The following WWOX variants were observed in gnomAD, a reference collection of about 807,000 sequenced individuals.
The protein encoded by WWOX is WW domain containing oxidoreductase, also known as WW domain-containing oxidoreductase.
WWOX carries 69 observed loss-of-function variants against 46.2 expected under a neutral mutation model. That is an observed-to-expected ratio of 1.49 (90% CI 1.23 to 1.82). The LOEUF is 1.82. Among genes scored for constraint, WWOX ranks in the 40% most tolerant of loss-of-function variants. WWOX has a pLI of 0.00. For missense variants in WWOX, 919 were observed against 542.6 expected, an observed-to-expected ratio of 1.69 and a Z score of -6.89; for synonymous variants, 359 against 202.6, an observed-to-expected ratio of 1.77 and a Z score of -6.56.
chr16:79,070,303 TG>T (rs2048525384), intron 8 of WWOX, among the ~76,000 whole-genome samples: 3 of 151,268 alleles, frequency 2.0e-5, no homozygotes, highest in East Asian at 3.9e-4. Context: ...TGTGTGTGTG[TG>T]TGTTTTCCAG....
chr16:78,849,647 C>T (rs1225246765), intron 8 of WWOX, among the ~76,000 whole-genome samples: 13 of 151,040 alleles, frequency 8.6e-5, no homozygotes, highest in Admixed American at 2.0e-4. Flanking sequence ...ACTTTGATTT[C>T]GTTTCTGTAT....
At chr16:78,491,254 C>G (rs1363682856) in intron 8 of WWOX, among the ~76,000 whole-genome samples, 3 of 152,148 alleles carry the variant, frequency 2.0e-5, no homozygotes, top group Non-Finnish European at 1.5e-5. Context: ...AGCTGCTACA[C>G]CATGAGTGCT....
Position 79,158,138 on chromosome 16 carries a change from A to T in WWOX, c.1057-53470A>T, listed in dbSNP as rs796449281. Among the ~76,000 whole-genome samples, 37 of 152,340 alleles carry T rather than the reference A, an allele frequency of 2.4e-4. 1 individual carries two copies. The highest frequency in any genetic ancestry group is 8.4e-4 in the African/African-American group (35 of 41,578). ...AACAGCATGGTTCCCACAAGAGAGA[A>T]GTAGACAGAGACCTCTGGAAGTTTA... On this transcript the variant is annotated intron_variant, in intron 8 of 8. Transcript: ENST00000566780.
At chr16:78,648,354 C>T (rs746439178) in intron 8 of WWOX, among the ~76,000 whole-genome samples, 2 of 152,170 alleles carry the variant, frequency 1.3e-5, no homozygotes, top group African/African-American at 2.4e-5. Flanking sequence ...CAGGAGCCAG[C>T]CGGCTCCCCT....
intron 8 of WWOX, among the ~76,000 whole-genome samples, chr16:78,953,712 A>G (rs1020675301): frequency 6.6e-6 from 1 of 152,150 alleles, no homozygotes; most frequent in African/African-American, 2.4e-5. Context: ...GCATGCATGA[A>G]TGGATAAACT....
intron 8 of WWOX, among the ~76,000 whole-genome samples, chr16:78,588,437 G>T (rs1454349123): frequency 6.6e-6 from 1 of 152,180 alleles, no homozygotes; most frequent in Non-Finnish European, 1.5e-5. Flanking sequence ...CTCTCAGGAA[G>T]TTCTTGTTCA....
chr16:78,255,753 T>G lies in WWOX; in HGVS notation c.516+91464T>G, dbSNP rs1030804568. Reference sequence around the variant, plus strand: ...ATTGAACATCCACAATAGCCAGACATTTTTCTAGTTCTTATAAATCCATGT... The same window carrying G: ...ATTGAACATCCACAATAGCCAGACAGTTTTCTAGTTCTTATAAATCCATGT... On this transcript the variant is annotated intron_variant, in intron 5 of 8. Coordinates refer to ENST00000566780, the MANE Select transcript of WWOX (RefSeq NM_016373.4). Among the ~76,000 whole-genome samples the G allele has an allele frequency of 2.0e-5, 3 of 152,272 alleles. No homozygotes were observed. In the South Asian group the frequency reaches 6.2e-4, roughly 32 times the overall value.
At chr16:79,031,879 C>A (rs1194618412) in intron 8 of WWOX, among the ~76,000 whole-genome samples, 1 of 49,004 alleles carries the variant, frequency 2.0e-5, no homozygotes, top group Non-Finnish European at 5.4e-5. Context: ...TATCTATATA[C>A]AGATATCTGT....
At chr16:78,689,538 G>A (rs770523348) in intron 8 of WWOX, among the ~76,000 whole-genome samples, 1 of 152,182 alleles carries the variant, frequency 6.6e-6, no homozygotes, top group African/African-American at 2.4e-5. Context: ...CTTTGTAAGA[G>A]TCATTCTAAG....
Position 78,832,514 on chromosome 16 carries a change from A to T in WWOX, c.1057-379094A>T, listed in dbSNP as rs960243497. ...ATCAAAGAACTTGTGGGCATATTCT[A>T]AGACCACCACACTCTGCCACTCCAC... On this transcript the variant is annotated intron_variant, in intron 8 of 8. Transcript: ENST00000566780. Among the ~76,000 whole-genome samples, 7 of 152,262 alleles carry T rather than the reference A, an allele frequency of 4.6e-5. No individual in the cohort carries two copies. In the South Asian group the frequency reaches 6.2e-4, roughly 14 times the overall value.
intron 8 of WWOX, among the ~76,000 whole-genome samples, chr16:78,443,072 G>A (rs2083480782): frequency 6.8e-6 from 1 of 146,786 alleles, no homozygotes; most frequent in East Asian, 2.0e-4. Flanking sequence ...GGAGGTGGAG[G>A]TTGCAGTGAG....
intron 8 of WWOX, among the ~76,000 whole-genome samples, chr16:79,090,889 G>A (rs1219419489): frequency 4.6e-5 from 7 of 152,198 alleles, no homozygotes; most frequent in Non-Finnish European, 2.9e-5. Context: ...TGCCTCCTGG[G>A]TTCAAACAAT....
chr16:79,163,569 G>C (rs546806284), intron 8 of WWOX, among the ~76,000 whole-genome samples: 13 of 152,192 alleles, frequency 8.5e-5, no homozygotes, highest in Admixed American at 6.5e-4. Flanking sequence ...GAGGCCGAAG[G>C]GGGTGGATCA....
At chr16:78,312,220 T>C (rs930360238) in intron 5 of WWOX, among the ~76,000 whole-genome samples, 2 of 151,862 alleles carry the variant, frequency 1.3e-5, no homozygotes, top group African/African-American at 4.8e-5. Flanking sequence ...TTAATTCATA[T>C]AACCTGGCGT....
chr16:78,966,661 C>T (rs2046368178), intron 8 of WWOX, among the ~76,000 whole-genome samples: 2 of 152,110 alleles, frequency 1.3e-5, no homozygotes, highest in Non-Finnish European at 2.9e-5. Flanking sequence ...CTTAAGATTA[C>T]ATTTTCAGAA....
intron 5 of WWOX, among the ~76,000 whole-genome samples, chr16:78,362,195 G>A (rs1450141893): frequency 6.6e-6 from 1 of 152,014 alleles, no homozygotes; most frequent in Non-Finnish European, 1.5e-5. Context: ...GCTAATCTAG[G>A]GAATTGTACT....
chr16:78,768,913 C>G (rs1035320259), intron 8 of WWOX, among the ~76,000 whole-genome samples: 1 of 152,146 alleles, frequency 6.6e-6, no homozygotes, highest in Non-Finnish European at 1.5e-5. Flanking sequence ...GACGCTGCGC[C>G]ATGGTGTAGG....
chr16:78,644,257 C>T (rs1221078724), intron 8 of WWOX, among the ~76,000 whole-genome samples: 1 of 151,196 alleles, frequency 6.6e-6, no homozygotes, highest in Non-Finnish European at 1.5e-5. Context: ...GAATGAAATA[C>T]TACTTCTCCC....
intron 8 of WWOX, among the ~76,000 whole-genome samples, chr16:78,885,214 G>A (rs75002540): frequency 0.022 from 3,104 of 144,358 alleles, 104 homozygotes; most frequent in Admixed American, 0.09. Context: ...TTTTTTAATA[G>A]GTCTTGTCAT....
Sources: gnomAD v4.1 joint callset for allele counts (sites outside exome capture counted in the v4.1 genomes callset) on GRCh38, gnomAD v4.1.1 for gene constraint, MANE v1.5 for transcripts, NCBI Gene and HGNC (gene_info 2026-07-23, HGNC 2026-07-21) for gene names.